The following IFT140 variants were observed in gnomAD, a reference collection of about 807,000 sequenced individuals.
IFT140 encodes intraflagellar transport protein 140 homolog.
IFT140 carries 133 observed loss-of-function variants against 164.6 expected under a neutral mutation model. The ratio of observed to expected loss-of-function variants is 0.81; its 90% CI spans 0.70 to 0.93. The LOEUF is 0.93. Among genes scored for constraint, IFT140 ranks in the 40% least tolerant of loss-of-function variants. The probability of loss-of-function intolerance (pLI) is 0.00; values close to 1 mark genes in which losing one functional copy is unlikely to be tolerated. For synonymous variants in IFT140, 860 were observed against 817.3 expected (o/e 1.05, Z -0.89); for missense variants, 2,045 against 1,972.3 (o/e 1.04, Z -0.70).
At chr16:1,541,997 G>T in intron 19 of IFT140, 1 of 1,611,338 alleles carries the variant, frequency 6.2e-7, no homozygotes, top group Non-Finnish European at 8.5e-7. Context: ...CCTTCCTCCT[G>T]GGGCTGGTGG....
At chr16:1,547,563 G>T (rs549802211) in intron 19 of IFT140, among the ~76,000 whole-genome samples, 82 of 152,208 alleles carry the variant, frequency 5.4e-4, no homozygotes, top group Non-Finnish European at 9.3e-4. Flanking sequence ...TCGAGATAGG[G>T]TCTCACTCCG....
rs1216397912 is a variant in IFT140, at chr16:1,584,389, T to A, written c.1187A>T (p.Asn396Ile). ...GAGGATGGCCACGGAGATGACGCTG[T>A]TCACTGCCAGCAGGTTCTTCCTGGA... ...WGSRKNLLAV[N>I]SVISVAILSE... The change falls in exon 11 of 31, where the codon AAC becomes ATC. Residue 396 changes from asparagine to isoleucine, a missense_variant. Physicochemically the swap from Asn to Ile is moderately radical, Grantham distance 149. Coordinates refer to ENST00000426508, the MANE Select transcript of IFT140 (RefSeq NM_014714.4). 9 of 1,611,558 alleles carry A rather than the reference T, an allele frequency of 5.6e-6. No homozygotes were observed. The highest frequency in any genetic ancestry group is 1.3e-5 in the African/African-American group (1 of 75,006).
intron 13 of IFT140, among the ~76,000 whole-genome samples, chr16:1,572,860 C>G (rs1424584228): frequency 6.6e-6 from 1 of 152,228 alleles, no homozygotes; most frequent in East Asian, 1.9e-4. Flanking sequence ...GTGAGTGGCA[C>G]ATCCCCAGGG....
At position 1,558,062 on chromosome 16, in the gene IFT140, G is replaced by C. The variant is rs748773851; in HGVS notation, c.2272C>G (p.Pro758Ala). The C allele has an allele frequency of 6.2e-7, 1 of 1,613,964 alleles. No homozygotes were observed. Among genetic ancestry groups the C allele is most frequent in the African/African-American group, 1.3e-5 (1 of 74,920 alleles). Residue 758 changes from proline (P) to alanine (A), a missense_variant, in exon 19 of 31, where the codon CCC becomes GCC. Transcript: ENST00000426508. ...TCCAGCCCCACAAAGTCTCGCAGGGGTCTCCTGGACACCATCTGAGGGATG... is the reference window on the plus strand; with the variant it reads ...TCCAGCCCCACAAAGTCTCGCAGGGCTCTCCTGGACACCATCTGAGGGATG... ...HHIPQMVSRRPLRDFVGLEDC... is the reference protein window; with the variant it reads ...HHIPQMVSRRALRDFVGLEDC...
intron 12 of IFT140, 76 bp downstream of exon 12, chr16:1,583,238 A>G: frequency 7.9e-7 from 1 of 1,258,066 alleles, no homozygotes; most frequent in Non-Finnish European, 1.2e-6. Context: ...ACTGCACCAC[A>G]GTGGCCCTCT....
intron 16 of IFT140, among the ~76,000 whole-genome samples, chr16:1,565,461 G>A (rs1192996742): frequency 6.6e-6 from 1 of 152,132 alleles, no homozygotes; most frequent in Non-Finnish European, 1.5e-5. Flanking sequence ...GAATCCAGGG[G>A]GGCTGGACAG....
intron 30 of IFT140, among the ~76,000 whole-genome samples, chr16:1,512,818 A>C (rs186878468): frequency 6.6e-6 from 1 of 152,162 alleles, no homozygotes; most frequent in East Asian, 1.9e-4. Context: ...AACAAAAAAG[A>C]AACCTTGTTA....
chr16:1,541,468 G>A (rs1313686051), intron 19 of IFT140: 1 of 985,418 alleles, frequency 1.0e-6, no homozygotes, highest in Non-Finnish European at 1.2e-6. Flanking sequence ...CACGCCTGAG[G>A]AGCTGGCCCC....
Position 1,524,976 on chromosome 16 carries a change from C to T in IFT140, c.2865-60G>A, listed in dbSNP as rs1206694137. The T allele has an allele frequency of 3.2e-6, 5 of 1,559,536 alleles. No individual in the cohort carries two copies. In the East Asian group the frequency reaches 6.8e-5, roughly 21 times the overall value. On this transcript the variant is annotated intron_variant, in intron 22 of 30. Coordinates refer to ENST00000426508, the MANE Select transcript of IFT140 (RefSeq NM_014714.4). The stretch of plus-strand genomic sequence containing the variant: ...GAGCCCCGCTCCAACCCGGGACGGC[C>T]CCCACCCCGCCCCTGTGCCACCCTT...
chr16:1,534,397 G>A (rs746977090), intron 19 of IFT140: 39 of 1,612,694 alleles, frequency 2.4e-5, no homozygotes, highest in African/African-American at 5.3e-5. Context: ...GGGCGCAGGC[G>A]CAGCGTGGGG....
chr16:1,571,988 G>C (rs930017991), intron 13 of IFT140, among the ~76,000 whole-genome samples: 12 of 152,194 alleles, frequency 7.9e-5, no homozygotes, highest in Non-Finnish European at 1.8e-4. Context: ...AGGAATACTT[G>C]TTACGTTGTG....
At chr16:1,601,278 A>G (rs550157924) in intron 4 of IFT140, among the ~76,000 whole-genome samples, 176 of 152,148 alleles carry the variant, frequency 1.2e-3, no homozygotes, top group African/African-American at 2.1e-3. Context: ...AAAAAAAAAA[A>G]AGAGAGAGAC....
intron 30 of IFT140, among the ~76,000 whole-genome samples, chr16:1,513,724 A>C (rs1415892085): frequency 6.8e-6 from 1 of 147,186 alleles, no homozygotes; most frequent in Non-Finnish European, 1.5e-5. Flanking sequence ...CCCAGGCTGG[A>C]GTGCAGTGGT....
chr16:1,588,164 A>C (rs1210355357), intron 7 of IFT140, 140 bp from the exon 8 acceptor site: 3 of 640,328 alleles, frequency 4.7e-6, no homozygotes, highest in Non-Finnish European at 8.2e-6. Context: ...AATGATAGAA[A>C]CTCTGTGAGG....
chr16:1,559,568 C>T (rs1355462519), intron 18 of IFT140, among the ~76,000 whole-genome samples: 4 of 152,202 alleles, frequency 2.6e-5, no homozygotes, highest in Non-Finnish European at 4.4e-5. Flanking sequence ...GGCTGAGTTA[C>T]GAAAACTCCC....
At chr16:1,529,084 C>T (rs773627226) in intron 19 of IFT140, among the ~76,000 whole-genome samples, 21 of 152,336 alleles carry the variant, frequency 1.4e-4, no homozygotes, top group Middle Eastern at 6.8e-3. Context: ...GTGGCTGCAA[C>T]GCGGCATACC....
intron 4 of IFT140, 46 bp from the exon 5 acceptor site, chr16:1,592,634 GC>G: frequency 1.3e-6 from 2 of 1,581,400 alleles, no homozygotes; most frequent in African/African-American, 1.4e-5. Flanking sequence ...TCCCGGCAGA[GC>G]GACTGGTGGA....
chr16:1,539,320 C>T (rs1187645083), intron 19 of IFT140, among the ~76,000 whole-genome samples: 2 of 152,204 alleles, frequency 1.3e-5, no homozygotes, highest in Non-Finnish European at 2.9e-5. Context: ...TGCCTTGGGC[C>T]TCAGCAAGCC....
At chr16:1,552,674 A>T (rs1210333305) in intron 19 of IFT140, among the ~76,000 whole-genome samples, 1 of 123,102 alleles carries the variant, frequency 8.1e-6, no homozygotes, top group Non-Finnish European at 1.6e-5. Context: ...TTTGAAATGG[A>T]GTCTCGCTCT....
Sources: gnomAD v4.1 joint callset for allele counts (sites outside exome capture counted in the v4.1 genomes callset) on GRCh38, gnomAD v4.1.1 for gene constraint, MANE v1.5 for transcripts, NCBI Gene and HGNC (gene_info 2026-07-23, HGNC 2026-07-21) for gene names.